Variants in KIF18B observed in about 807,000 individuals in gnomAD.
KIF18B encodes kinesin-like protein KIF18B.
A neutral mutation model predicts 80.9 loss-of-function variants in KIF18B; 49 were observed. That is an observed-to-expected ratio of 0.61 (90% confidence interval 0.48 to 0.77). The LOEUF is 0.77. Among genes scored for constraint, KIF18B ranks in the 30% least tolerant of loss-of-function variants. KIF18B has a pLI of 0.00. For missense variants in KIF18B, 994 were observed against 1,127.7 expected (o/e 0.88, Z 1.70); for synonymous variants, 439 against 463.9 (o/e 0.95, Z 0.69).
At chr17:44,930,922 C>A (rs2052132243) in intron 11 of KIF18B, among the ~76,000 whole-genome samples, 1 of 152,252 alleles carries the variant, frequency 6.6e-6, no homozygotes, top group East Asian at 1.9e-4. Flanking sequence ...AACAGACACT[C>A]CCCAACAAGA....
chr17:44,934,064 T>C lies in KIF18B; in HGVS notation c.921A>G (p.Lys307=). ...GGGAGTCTTTGAGCAGGCGGGTCAGTTTGCTGTCCCGGTAGGGCACATGGG... is the reference window on the plus strand; with the variant it reads ...GGGAGTCTTTGAGCAGGCGGGTCAGCTTGCTGTCCCGGTAGGGCACATGGG... ...RKTHVPYRDS[K]LTRLLKDSLG... Residue 307 remains lysine (K), a synonymous_variant, in exon 7 of 16, where the codon AAA becomes AAG. Transcript: ENST00000593135. This position sits in a 1 kb window ranked among gnomAD's most constrained non-coding sequence, Gnocchi z 5.4. The C allele has an allele frequency of 6.2e-7, 1 of 1,612,334 alleles. No individual in the cohort carries two copies.
rs1238043928 is a variant in KIF18B, at chr17:44,926,440, C to T, written c.2426G>A (p.Arg809Lys). ...IARLPSSTLK[R>K]PAGPLVLPEL... ...TGGGAGTACAAGGGGCCCAGCTGGC[C>T]TCTTCAAAGTGCTGCTGGGGAGGCG... is the stretch of plus-strand genomic sequence containing the variant. The change falls in exon 15 of 16, where the codon AGG becomes AAG. Residue 809 changes from arginine to lysine, a missense_variant. Physicochemically the swap from Arg to Lys is conservative, Grantham distance 26. Transcript: ENST00000593135. The T allele has an allele frequency of 6.3e-7, 1 of 1,583,874 alleles. No homozygotes were observed. The highest frequency in any genetic ancestry group is 8.6e-7 in the Non-Finnish European group (1 of 1,165,288).
intron 1 of KIF18B, among the ~76,000 whole-genome samples, chr17:44,943,741 G>A (rs538313559): frequency 6.6e-6 from 1 of 152,052 alleles, no homozygotes; most frequent in Admixed American, 6.5e-5. Context: ...CAGGTCTCAT[G>A]TTGTTGCCCA....
intron 11 of KIF18B, among the ~76,000 whole-genome samples, chr17:44,931,007 G>A (rs1383782615): frequency 6.6e-6 from 1 of 152,190 alleles, no homozygotes; most frequent in Non-Finnish European, 1.5e-5. Context: ...GGGGAGGGAA[G>A]AGCGGGATGG....
chr17:44,937,529 C>CTT (rs2052333970), intron 1 of KIF18B, among the ~76,000 whole-genome samples: 1 of 152,174 alleles, frequency 6.6e-6, no homozygotes, highest in South Asian at 2.1e-4. Context: ...GGATGGAACA[C>CTT]TTTTCCCCAT....
intron 1 of KIF18B, among the ~76,000 whole-genome samples, chr17:44,946,490 C>T (rs1278693169): frequency 6.6e-6 from 1 of 152,194 alleles, no homozygotes; most frequent in Non-Finnish European, 1.5e-5. Flanking sequence ...CTTAACTTCT[C>T]TGAGCCTCAG....
chr17:44,939,625 G>A (rs1330334887), intron 1 of KIF18B, among the ~76,000 whole-genome samples: 3 of 151,978 alleles, frequency 2.0e-5, no homozygotes, highest in Admixed American at 6.6e-5. Flanking sequence ...AGATTAATAT[G>A]AGGAAAATTG....
intron 14 of KIF18B, 104 bp downstream of exon 14, chr17:44,926,885 G>T (rs769092395): frequency 7.2e-6 from 7 of 969,700 alleles, no homozygotes; most frequent in Non-Finnish European, 1.1e-5. Context: ...TGCTCCGGGG[G>T]TGTAGAGACA....
chr17:44,926,398 C>T lies in KIF18B; in HGVS notation c.2452+16G>A, dbSNP rs1022002069. 3 of 1,562,960 alleles carry T rather than the reference C, an allele frequency of 1.9e-6. No homozygotes were observed. Among genetic ancestry groups the T allele is most frequent in the Non-Finnish European group, 1.7e-6 (2 of 1,153,716 alleles). ...CCTCCATGGCCCAGGCTATCCCTGT[C>T]CCTAGTGCCAGTCACCTGGGAGTAC... is the stretch of plus-strand genomic sequence containing the variant. On this transcript the variant is annotated intron_variant, in intron 15 of 15. Transcript: ENST00000593135.
At chr17:44,933,156 G>A (rs2052196251) in intron 7 of KIF18B, among the ~76,000 whole-genome samples, 170 bp from the exon 8 acceptor site, 2 of 152,162 alleles carry the variant, frequency 1.3e-5, no homozygotes, top group South Asian at 4.1e-4. Flanking sequence ...ACCACAGCGA[G>A]GGGCAGAAGA....
rs759406754 is a variant in KIF18B, at chr17:44,928,380, A to G, written c.1922T>C (p.Met641Thr). Residue 641 changes from methionine to threonine, a missense_variant, in exon 13 of 16, where the codon ATG becomes ACG. Physicochemically the swap from Met to Thr is moderately conservative, Grantham distance 81 (BLOSUM62 -1). Coordinates refer to ENST00000593135, the MANE Select transcript of KIF18B (RefSeq NM_001265577.2). ...GCGCTTGGTGCCCCGCTTTGGGGCC[A>G]TGGGACTGTCTGCCTCCAAGGCGCT... ...RPSALEADSPMAPKRGTKRQR... is the reference protein window; with the variant it reads ...RPSALEADSPTAPKRGTKRQR... 8 of 1,580,912 alleles carry G rather than the reference A, an allele frequency of 5.1e-6. No homozygotes were observed. The South Asian group carries it at 6.9e-5, about 14-fold the overall frequency.
chr17:44,930,712 T>C (rs2052126563), intron 11 of KIF18B, among the ~76,000 whole-genome samples: 1 of 152,106 alleles, frequency 6.6e-6, no homozygotes, highest in African/African-American at 2.4e-5. Flanking sequence ...GACCCTGGTG[T>C]CCTCTCTCCT....
In KIF18B at chr17:44,926,514, G is replaced by GA; in HGVS notation, c.2367-16dup. 2 of 1,573,656 alleles carry GA rather than the reference G, an allele frequency of 1.3e-6. No homozygotes were observed. The highest frequency in any genetic ancestry group is 1.7e-6 in the Non-Finnish European group (2 of 1,162,250). On this transcript the variant is annotated splice_polypyrimidine_tract_variant and intron_variant, in intron 14 of 15. Coordinates refer to ENST00000593135, the MANE Select transcript of KIF18B (RefSeq NM_001265577.2). Reference sequence around the variant, plus strand: ...AGACTGAGGAACTGAGGGAGGAAAGGAGGGAAGGTGGAAGGTTACGGCCCT... The same window carrying GA: ...AGACTGAGGAACTGAGGGAGGAAAGGAAGGGAAGGTGGAAGGTTACGGCCCT...
chr17:44,931,535 C>T (rs2052145571), intron 11 of KIF18B, 67 bp downstream of exon 11: 2 of 1,608,734 alleles, frequency 1.2e-6, no homozygotes, highest in African/African-American at 2.7e-5. Flanking sequence ...CACCAATTCC[C>T]ACACCCAGGG....
At position 44,924,730 on chromosome 17, in the gene KIF18B, T is replaced by C. The variant is rs2051990193; in HGVS notation, c.*1350A>G. The C allele has an allele frequency of 6.6e-6, 1 of 152,172 alleles. No individual in the cohort carries two copies. Among genetic ancestry groups the C allele is most frequent in the East Asian group, 1.9e-4 (1 of 5,202 alleles). The allele number at this position is 152,172 out of a possible 1,614,324, so 9.4% of individuals were successfully genotyped here. A position where few individuals can be genotyped will look rare whatever the true frequency, so the allele number is the denominator to read the frequency against. On this transcript the variant is annotated 3_prime_UTR_variant, in exon 16 of 16. Coordinates refer to ENST00000593135, the MANE Select transcript of KIF18B (RefSeq NM_001265577.2). Reference sequence around the variant, plus strand: ...CACACCAAGGATGGAGACGGTTTATTGTTATACCAAAAATATATGTATATA... The same window carrying C: ...CACACCAAGGATGGAGACGGTTTATCGTTATACCAAAAATATATGTATATA...
Position 44,932,330 on chromosome 17 carries a change from T to C in KIF18B, c.1239-124A>G, listed in dbSNP as rs2052174911. The C allele has an allele frequency of 8.9e-6, 10 of 1,117,602 alleles. No homozygotes were observed. The East Asian group carries it at 2.5e-4, about 28-fold the overall frequency. The allele number at this position is 1,117,602 out of a possible 1,614,324, so 69.2% of individuals were successfully genotyped here. A position where few individuals can be genotyped will look rare whatever the true frequency, so the allele number is the denominator to read the frequency against. ...TGGGATCTCTGTGGCACCCAGGTCG[T>C]ATAGAGTCCATAAGGGACAGATGCT... On this transcript the variant is annotated intron_variant, in intron 9 of 15. Coordinates refer to ENST00000593135, the MANE Select transcript of KIF18B (RefSeq NM_001265577.2).
In KIF18B at chr17:44,943,806, C is replaced by T. The variant is rs577930057; in HGVS notation, c.-15+3822G>A. 3.3e-5 allele frequency among the ~76,000 whole-genome samples: 5 copies of T among 152,278 alleles called. No homozygotes were observed. In the East Asian group the frequency reaches 5.8e-4, roughly 18 times the overall value. On this transcript the variant is annotated intron_variant, in intron 1 of 15. Coordinates refer to ENST00000593135, the MANE Select transcript of KIF18B (RefSeq NM_001265577.2). ...CACAGCAGCCTCGAACTCCTGGGCT[C>T]GAGCCATCTTCCCACTTCATCATGT...
chr17:44,947,113 C>CAAAAAAAAAAAAAAAAAAAAAAAAAA (rs57955845), intron 1 of KIF18B, among the ~76,000 whole-genome samples: 1 of 54,000 alleles, frequency 1.9e-5, no homozygotes, highest in African/African-American at 6.5e-5. Flanking sequence ...ACTCCATCTC[C>CAAAAAAAAAAAAAAAAAAAAAAAAAA]AAAAAAAAAA....
At chr17:44,941,340 CTTTTTTT>C (rs36121835) in intron 1 of KIF18B, among the ~76,000 whole-genome samples, 1 of 134,718 alleles carries the variant, frequency 7.4e-6, no homozygotes, top group Non-Finnish European at 1.6e-5. Context: ...TTTTCTTTTT[CTTTTTTT>C]TTTTTTTTTG....
Sources: gnomAD v4.1 joint callset for allele counts (sites outside exome capture counted in the v4.1 genomes callset) on GRCh38, gnomAD v4.1.1 for gene constraint, Gnocchi (gnomAD v3.1) non-coding constraint, MANE v1.5 for transcripts, NCBI Gene and HGNC (gene_info 2026-07-23, HGNC 2026-07-21) for gene names.